RPSA2: variants seen among roughly 807,000 people sequenced by gnomAD.
RPSA2 encodes small ribosomal subunit protein uS2B.
At chr19:23,830,830 T>A in the RPSA2 span, among the ~76,000 whole-genome samples, 6 of 152,140 alleles carry the variant, frequency 3.9e-5, no homozygotes, top group Non-Finnish European at 8.8e-5. Flanking sequence ...ATTGCCCTAT[T>A]TTGTATATTT....
chr19:23,843,296 C>T, the RPSA2 span: 1 of 170,400 alleles, frequency 5.9e-6, no homozygotes, highest in Admixed American at 5.8e-5. Context: ...ATGAATGAAG[C>T]AGATAACACA....
At chr19:23,827,379 A>G in the RPSA2 span, 2 of 1,509,810 alleles carry the variant, frequency 1.3e-6, no homozygotes, top group Non-Finnish European at 1.8e-6. Flanking sequence ...AACCCTGCTG[A>G]TGTCAGTGTT....
chr19:23,862,710 C>T, the RPSA2 span, among the ~76,000 whole-genome samples: 1 of 151,574 alleles, frequency 6.6e-6, no homozygotes, highest in African/African-American at 2.4e-5. Context: ...ATATATTGAA[C>T]CAGCCTTGAA....
At chr19:23,829,827 T>A in the RPSA2 span, among the ~76,000 whole-genome samples, 1 of 152,198 alleles carries the variant, frequency 6.6e-6, no homozygotes, top group Non-Finnish European at 1.5e-5. Context: ...TTGTTCAAAT[T>A]TCAGAGAATA....
chr19:23,825,299 T>A, the RPSA2 span, among the ~76,000 whole-genome samples: 1 of 152,224 alleles, frequency 6.6e-6, no homozygotes, highest in East Asian at 1.9e-4. Flanking sequence ...TAGATTTTTG[T>A]GTTATATATT....
chr19:23,833,196 G>A, the RPSA2 span: 7 of 1,185,482 alleles, frequency 5.9e-6, no homozygotes, highest in Non-Finnish European at 7.4e-6. Context: ...CTAAACATAA[G>A]AAAATTTATA....
chr19:23,816,245 C>A, the RPSA2 span, among the ~76,000 whole-genome samples: 17 of 152,194 alleles, frequency 1.1e-4, no homozygotes, highest in Middle Eastern at 3.4e-3. Context: ...AAGATTCTCT[C>A]ATTTCAGCCT....
At chr19:23,788,016 C>T in the RPSA2 span, among the ~76,000 whole-genome samples, 1 of 152,202 alleles carries the variant, frequency 6.6e-6, no homozygotes, top group East Asian at 1.9e-4. Context: ...TATTACTGGG[C>T]ACAGCCCACA....
the RPSA2 span, among the ~76,000 whole-genome samples, chr19:23,775,655 C>A: frequency 4.6e-5 from 7 of 152,194 alleles, 1 homozygote; most frequent in African/African-American, 1.2e-4. Flanking sequence ...GAGACAGTCA[C>A]AAGTTGGAAA....
chr19:23,761,933 TTTGAGATGGA>T, the RPSA2 span, among the ~76,000 whole-genome samples: 7 of 41,994 alleles, frequency 1.7e-4, no homozygotes, highest in African/African-American at 4.1e-4. Flanking sequence ...TTTTTTTTTT[TTTGAGATGGA>T]GTCTTGCTCT....
the RPSA2 span, among the ~76,000 whole-genome samples, chr19:23,850,335 A>G: frequency 5.4e-5 from 1 of 18,640 alleles, no homozygotes; most frequent in Non-Finnish European, 1.4e-4. Context: ...ATTGTAAGCA[A>G]GATCCAGTGC....
chr19:23,863,834 G>A, the RPSA2 span, among the ~76,000 whole-genome samples: 13 of 152,204 alleles, frequency 8.5e-5, no homozygotes, highest in South Asian at 6.2e-4. Context: ...ATACACTGAT[G>A]TTTATATCTC....
chr19:23,864,626 C>A, the RPSA2 span, among the ~76,000 whole-genome samples: 1,768 of 152,198 alleles, frequency 0.012, 37 homozygotes, highest in African/African-American at 0.04. Context: ...TATATATATT[C>A]ATCACCACAA....
chr19:23,844,888 GTT>G, the RPSA2 span, among the ~76,000 whole-genome samples: 1 of 150,614 alleles, frequency 6.6e-6, no homozygotes, highest in Admixed American at 6.6e-5. Flanking sequence ...CATTTATCTA[GTT>G]CTGAGCTTTT....
the RPSA2 span, among the ~76,000 whole-genome samples, chr19:23,770,691 G>A: frequency 1.3e-5 from 2 of 152,166 alleles, no homozygotes; most frequent in South Asian, 2.1e-4. Flanking sequence ...CCTGGTCCTT[G>A]CCCACAGATC....
the RPSA2 span, among the ~76,000 whole-genome samples, chr19:23,869,465 A>G: frequency 1.3e-5 from 2 of 152,050 alleles, no homozygotes; most frequent in South Asian, 4.1e-4. Flanking sequence ...AATAGTTCTG[A>G]CCTCTCTCCA....
chr19:23,834,697 T>G, the RPSA2 span, among the ~76,000 whole-genome samples: 1 of 152,094 alleles, frequency 6.6e-6, no homozygotes, highest in Admixed American at 6.5e-5. Context: ...ATTCCACATT[T>G]TTAACATGTT....
the RPSA2 span, among the ~76,000 whole-genome samples, chr19:23,870,295 A>T: frequency 0.98 from 148,954 of 152,288 alleles, 72,940 homozygotes; most frequent in Middle Eastern, 1. Flanking sequence ...GCTACTTCAG[A>T]GTAAAATTAA....
At chr19:23,836,862 A>G in the RPSA2 span, among the ~76,000 whole-genome samples, 5 of 151,982 alleles carry the variant, frequency 3.3e-5, no homozygotes, top group East Asian at 9.6e-4. Flanking sequence ...ATTTGAGTTC[A>G]TTACAGATTC....
Sources: allele counts gnomAD v4.1 joint callset (sites outside exome capture counted in the v4.1 genomes callset), GRCh38; gene constraint gnomAD v4.1.1; transcripts MANE v1.5; gene names NCBI Gene and HGNC (gene_info 2026-07-23, HGNC 2026-07-21).